The following GPHN variants were observed in gnomAD, a reference collection of about 807,000 sequenced individuals.
The protein encoded by GPHN is gephyrin.
GPHN carries 17 observed loss-of-function variants against 95.5 expected under a neutral mutation model. That is an observed-to-expected ratio of 0.18 (90% CI 0.12 to 0.27). The LOEUF (loss-of-function observed/expected upper bound fraction) is 0.27. Among genes scored for constraint, GPHN ranks in the 10% least tolerant of loss-of-function variants. The probability of loss-of-function intolerance (pLI) is 1.00; values close to 1 mark genes in which losing one functional copy is unlikely to be tolerated. For missense variants in GPHN, 660 were observed against 978.1 expected (o/e 0.67, Z 4.34); for synonymous variants, 320 against 322.5 (o/e 0.99, Z 0.08).
chr14:66,535,223 C>A (rs1173920179), intron 1 of GPHN, among the ~76,000 whole-genome samples: 1 of 151,656 alleles, frequency 6.6e-6, no homozygotes, highest in African/African-American at 2.4e-5. Context: ...TGATTTGGCC[C>A]CATTTTTTGA....
intron 5 of GPHN, among the ~76,000 whole-genome samples, chr14:66,895,140 A>C (rs1414208161): frequency 6.6e-6 from 1 of 152,250 alleles, no homozygotes; most frequent in Non-Finnish European, 1.5e-5. Flanking sequence ...TGGATTAAGA[A>C]AATGTGGCAC....
the GPHN span, among the ~76,000 whole-genome samples, chr14:67,303,799 C>T: frequency 6.6e-6 from 1 of 151,068 alleles, no homozygotes; most frequent in African/African-American, 2.4e-5. Context: ...ATGGAATCTC[C>T]ATCTGTTGCC....
chr14:66,834,681 A>G (rs1165550590), intron 4 of GPHN, among the ~76,000 whole-genome samples: 3 of 151,890 alleles, frequency 2.0e-5, no homozygotes, highest in Non-Finnish European at 4.4e-5. Flanking sequence ...GGATTTTTGC[A>G]TCAATGTTCA....
intron 2 of GPHN, among the ~76,000 whole-genome samples, chr14:66,719,224 G>T (rs1450393380): frequency 6.6e-6 from 1 of 152,188 alleles, no homozygotes; most frequent in Non-Finnish European, 1.5e-5. Flanking sequence ...CATTTTCCCA[G>T]TGCCTCTGGC....
rs142284663 is a variant in GPHN, at chr14:66,822,915, C to A, written c.202-1559C>A. ...ACTTAAAGGAATGTTACAAAGAGAT[C>A]TAAGGTGTTCTAGGATACATCAGTC... On this transcript the variant is annotated intron_variant, in intron 3 of 22. Transcript: ENST00000478722. Among the ~76,000 whole-genome samples the A allele has an allele frequency of 6.0e-3, 919 of 152,234 alleles. 31 individuals are homozygous for A. Among genetic ancestry groups the A allele is most frequent in the Admixed American group, 0.048 (738 of 15,278 alleles).
the GPHN span, chr14:67,576,349 C>A: frequency 8.9e-7 from 1 of 1,118,246 alleles, no homozygotes; most frequent in South Asian, 1.3e-5. This position sits in a 1 kb window ranked among gnomAD's most constrained non-coding sequence, Gnocchi z 4.0. Flanking sequence ...CTTGCCTCCA[C>A]TCTTCCCACC....
intron 8 of GPHN, among the ~76,000 whole-genome samples, chr14:66,953,827 G>A (rs1328131475): frequency 1.3e-5 from 2 of 152,116 alleles, no homozygotes; most frequent in African/African-American, 4.8e-5. Flanking sequence ...GAGGTCAGGC[G>A]TTTGAGACCA....
chr14:67,625,711 A>G, the GPHN span, among the ~76,000 whole-genome samples: 1 of 147,804 alleles, frequency 6.8e-6, no homozygotes, highest in Non-Finnish European at 1.5e-5. Flanking sequence ...GAAACTGGAA[A>G]GACTTCATCA....
At chr14:67,553,633 G>A in the GPHN span, among the ~76,000 whole-genome samples, 1 of 152,196 alleles carries the variant, frequency 6.6e-6, no homozygotes, top group Non-Finnish European at 1.5e-5. Context: ...AACACTGGGG[G>A]CCACCACTAT....
At chr14:66,517,753 A>G (rs1261145717) in intron 1 of GPHN, among the ~76,000 whole-genome samples, 1 of 148,806 alleles carries the variant, frequency 6.7e-6, no homozygotes, top group Admixed American at 6.7e-5. Context: ...GAAGAATGAA[A>G]CTAGAGCCCC....
At chr14:66,592,524 T>C (rs880000419) in intron 1 of GPHN, among the ~76,000 whole-genome samples, 1 of 151,248 alleles carries the variant, frequency 6.6e-6, no homozygotes, top group African/African-American at 2.4e-5. Flanking sequence ...AAGAAGACAT[T>C]TGTGTGGCCA....
intron 18 of GPHN, among the ~76,000 whole-genome samples, chr14:67,158,481 A>G (rs1263454568): frequency 2.0e-5 from 3 of 152,122 alleles, no homozygotes; most frequent in Non-Finnish European, 2.9e-5. Context: ...TCCCGGTGAG[A>G]TGATGTTGGC....
At chr14:66,903,281 G>GT (rs1414240995) in intron 5 of GPHN, among the ~76,000 whole-genome samples, 1 of 152,094 alleles carries the variant, frequency 6.6e-6, no homozygotes, top group African/African-American at 2.4e-5. Context: ...AGCTCCAGTG[G>GT]TGGGTGCACA....
At chr14:67,473,462 G>A in the GPHN span, 5 of 1,614,210 alleles carry the variant, frequency 3.1e-6, no homozygotes, top group African/African-American at 5.3e-5. The surrounding 1 kb of genome is among the most constrained non-coding windows in gnomAD (Gnocchi z 6.5). Context: ...CTAGGGCGCC[G>A]CTGGGCTCCC....
intron 9 of GPHN, among the ~76,000 whole-genome samples, chr14:66,984,606 G>C (rs1351716235): frequency 1.3e-5 from 2 of 152,118 alleles, no homozygotes; most frequent in Non-Finnish European, 2.9e-5. Flanking sequence ...AAAGGGATAA[G>C]ACAATATATA....
chr14:67,387,546 A>T, the GPHN span: 1 of 1,216,716 alleles, frequency 8.2e-7, no homozygotes, highest in Non-Finnish European at 1.2e-6. Flanking sequence ...TGAGACATGG[A>T]CAAAAACATA....
intron 2 of GPHN, among the ~76,000 whole-genome samples, chr14:66,730,395 G>GAT (rs1595716317): frequency 6.6e-6 from 1 of 152,076 alleles, no homozygotes; most frequent in Non-Finnish European, 1.5e-5. Context: ...CCAAGCTGTT[G>GAT]ATATATATAT....
At chr14:66,584,648 T>C (rs1208456807) in intron 1 of GPHN, among the ~76,000 whole-genome samples, 1 of 152,222 alleles carries the variant, frequency 6.6e-6, no homozygotes, top group Non-Finnish European at 1.5e-5. Context: ...GAGATGATCA[T>C]GTGGTTTTCG....
chr14:67,170,902 A>G lies in GPHN; in HGVS notation c.2079+1866A>G, dbSNP rs1362993397. Among the ~76,000 whole-genome samples the G allele has an allele frequency of 3.9e-5, 6 of 152,258 alleles. No individual in the cohort carries two copies. In the East Asian group the frequency reaches 1.2e-3, roughly 29 times the overall value. ...TGACCATAAAAGATGCAGCTTACACACACCACTTATTACTGTTCTTCAGAA... is the reference window on the plus strand; with the variant it reads ...TGACCATAAAAGATGCAGCTTACACGCACCACTTATTACTGTTCTTCAGAA... On this transcript the variant is annotated intron_variant, in intron 21 of 22. Transcript: ENST00000478722.
Sources: allele counts gnomAD v4.1 joint callset (sites outside exome capture counted in the v4.1 genomes callset), GRCh38; gene constraint gnomAD v4.1.1; non-coding constraint Gnocchi (gnomAD v3.1); transcripts MANE v1.5; gene names NCBI Gene and HGNC (gene_info 2026-07-23, HGNC 2026-07-21).